Variants in AMPH observed in about 807,000 individuals in gnomAD.
AMPH encodes the protein amphiphysin, also known as amphiphysin (Stiff-Mann syndrome with breast cancer 128kD autoantigen).
A neutral mutation model predicts 99.1 loss-of-function variants in AMPH; 49 were observed. The ratio of observed to expected loss-of-function variants is 0.49; its 90% confidence interval spans 0.39 to 0.63. AMPH has a LOEUF of 0.63. AMPH is among the 20% of genes least tolerant of loss of function. The probability of loss-of-function intolerance (pLI) is 0.00; values close to 1 mark genes in which losing one functional copy is unlikely to be tolerated. For missense variants in AMPH, 759 were observed against 863.4 expected (o/e 0.88, Z 1.52); for synonymous variants, 314 against 317.3 (o/e 0.99, Z 0.11).
intron 2 of AMPH, among the ~76,000 whole-genome samples, chr7:38,527,351 C>T (rs561209569): frequency 1.3e-5 from 2 of 152,334 alleles, no homozygotes; most frequent in South Asian, 2.1e-4. Context: ...TGACAACCAA[C>T]ATGTTTACTG....
At chr7:38,549,004 G>A (rs1371952634) in intron 1 of AMPH, among the ~76,000 whole-genome samples, 4 of 152,192 alleles carry the variant, frequency 2.6e-5, no homozygotes, top group Non-Finnish European at 5.9e-5. Flanking sequence ...CACAGCTGCC[G>A]GCATTCACCT....
intron 2 of AMPH, among the ~76,000 whole-genome samples, chr7:38,525,256 G>GTATA (rs1225692498): frequency 3.1e-5 from 2 of 64,216 alleles, no homozygotes; most frequent in African/African-American, 1.7e-4. Context: ...GTGTGTGTGT[G>GTATA]TGTATATATA....
chr7:38,466,304 A>G, intron 7 of AMPH, 56 bp from the exon 8 acceptor site: 1 of 1,369,702 alleles, frequency 7.3e-7, no homozygotes, highest in African/African-American at 1.5e-5. Flanking sequence ...CAGTCAGTAA[A>G]AATAATTTTA....
rs185361884 is a variant in AMPH, at chr7:38,552,668, G to A, written c.70-17657C>T. 1.0e-3 allele frequency among the ~76,000 whole-genome samples: 158 copies of A among 152,238 alleles called. 1 individual carries two copies. Among genetic ancestry groups the A allele is most frequent in the Non-Finnish European group, 8.8e-5 (6 of 68,024 alleles). ...CAGGTGTATGTCAGGTTACTGGGATGCACACATCAGCACCATTAATTTCCC... is the reference window on the plus strand; with the variant it reads ...CAGGTGTATGTCAGGTTACTGGGATACACACATCAGCACCATTAATTTCCC... On this transcript the variant is annotated intron_variant, in intron 1 of 20. Transcript: ENST00000356264.
chr7:38,610,372 AG>A (rs1793631313), intron 1 of AMPH, among the ~76,000 whole-genome samples: 1 of 36,936 alleles, frequency 2.7e-5, no homozygotes, highest in Non-Finnish European at 6.0e-5. Context: ...AGAAAAGAAA[AG>A]AAAGGAAAGG....
chr7:38,526,429 C>A (rs1476726581), intron 2 of AMPH, among the ~76,000 whole-genome samples: 6 of 103,036 alleles, frequency 5.8e-5, no homozygotes, highest in Non-Finnish European at 9.2e-5. Flanking sequence ...ACTACCATGC[C>A]CGGCTTTTTT....
chr7:38,513,556 G>T (rs1789622478), intron 2 of AMPH, among the ~76,000 whole-genome samples: 1 of 152,186 alleles, frequency 6.6e-6, no homozygotes, highest in Admixed American at 6.5e-5. Context: ...ATCATCAAGA[G>T]ATTCTGTATC....
chr7:38,515,118 A>T (rs375880175), intron 2 of AMPH, among the ~76,000 whole-genome samples: 12 of 152,328 alleles, frequency 7.9e-5, no homozygotes, highest in African/African-American at 2.6e-4. Context: ...TCAGACAAAA[A>T]AGAGGAACAA....
intron 1 of AMPH, among the ~76,000 whole-genome samples, chr7:38,603,872 C>G (rs1440307219): frequency 6.6e-6 from 1 of 152,212 alleles, no homozygotes; most frequent in African/African-American, 2.4e-5. Context: ...TGCTCTCATC[C>G]TGGAAGCAAA....
intron 7 of AMPH, among the ~76,000 whole-genome samples, chr7:38,472,047 C>T (rs1464269991): frequency 6.6e-6 from 1 of 152,060 alleles, no homozygotes; most frequent in Non-Finnish European, 1.5e-5. Flanking sequence ...ATCTCACTTT[C>T]AACAAGGCAG....
chr7:38,490,529 G>A (rs560981657), intron 5 of AMPH, among the ~76,000 whole-genome samples: 1 of 152,230 alleles, frequency 6.6e-6, no homozygotes, highest in South Asian at 2.1e-4. Flanking sequence ...AGATGCAAAT[G>A]TATTTAAAAT....
chr7:38,522,579 G>A (rs1209295590), intron 2 of AMPH, among the ~76,000 whole-genome samples: 1 of 152,028 alleles, frequency 6.6e-6, no homozygotes, highest in Non-Finnish European at 1.5e-5. Context: ...AGAGATTCTT[G>A]GTCAGCAGGC....
rs145696998 is a variant in AMPH, at chr7:38,594,053, T to A, written c.69+37230A>T. On this transcript the variant is annotated intron_variant, in intron 1 of 20. Transcript: ENST00000356264. Reference sequence around the variant, plus strand: ...GCTCTTGGCGTTAGCATGCTGGTGGTCGTGTGGAGTAAGGGTGCAGGGGGT... The same window carrying A: ...GCTCTTGGCGTTAGCATGCTGGTGGACGTGTGGAGTAAGGGTGCAGGGGGT... 7.0e-3 allele frequency among the ~76,000 whole-genome samples: 1,065 copies of A among 152,108 alleles called. 14 individuals carry two copies. The highest frequency in any genetic ancestry group is 0.024 in the African/African-American group (1,004 of 41,462).
intron 17 of AMPH, among the ~76,000 whole-genome samples, chr7:38,415,797 A>T (rs1419784943): frequency 1.3e-5 from 2 of 151,976 alleles, no homozygotes; most frequent in African/African-American, 4.8e-5. Context: ...TTCTCTGTGG[A>T]AAGCGTGGAT....
At chr7:38,581,816 G>A (rs948377559) in intron 1 of AMPH, among the ~76,000 whole-genome samples, 3 of 152,190 alleles carry the variant, frequency 2.0e-5, no homozygotes, top group East Asian at 3.8e-4. Context: ...AGAAGGCCTC[G>A]AGAATGACTC....
chr7:38,525,469 T>C (rs1029265554), intron 2 of AMPH, among the ~76,000 whole-genome samples: 6 of 151,548 alleles, frequency 4.0e-5, no homozygotes, highest in Non-Finnish European at 7.4e-5. Flanking sequence ...TGTGTGTGTG[T>C]GTGTGTGTGT....
chr7:38,573,710 T>A (rs1347746510), intron 1 of AMPH, among the ~76,000 whole-genome samples: 1 of 152,258 alleles, frequency 6.6e-6, no homozygotes, highest in African/African-American at 2.4e-5. Context: ...TATTTTTCCT[T>A]CTGATTAATT....
At chr7:38,511,802 G>A (rs1789551818) in intron 2 of AMPH, among the ~76,000 whole-genome samples, 1 of 152,156 alleles carries the variant, frequency 6.6e-6, no homozygotes, top group Non-Finnish European at 1.5e-5. Context: ...TGGAAATTTG[G>A]AAATTGTTAA....
chr7:38,610,159 CT>C (rs1440540653), intron 1 of AMPH, among the ~76,000 whole-genome samples: 1 of 145,812 alleles, frequency 6.9e-6, no homozygotes, highest in African/African-American at 2.5e-5. Flanking sequence ...TTGCTTGAAC[CT>C]AGGAGGCAGA....
Sources: allele counts gnomAD v4.1 joint callset (sites outside exome capture counted in the v4.1 genomes callset), GRCh38; gene constraint gnomAD v4.1.1; transcripts MANE v1.5; gene names NCBI Gene and HGNC (gene_info 2026-07-23, HGNC 2026-07-21).